Variants in LETM2 observed in about 807,000 individuals in gnomAD.
The protein encoded by LETM2 is leucine zipper and EF-hand containing transmembrane protein 2, also known as LETM1 domain-containing protein LETM2, mitochondrial.
In LETM2, 58 loss-of-function variants were observed where a neutral mutation model predicts 59.6. The observed-to-expected ratio is 0.97, with a 90% CI of 0.79 to 1.21. The LOEUF (loss-of-function observed/expected upper bound fraction) is 1.21. Among genes scored for constraint, LETM2 ranks in the 50% most tolerant of loss-of-function variants. The probability of loss-of-function intolerance (pLI) is 0.00; values close to 1 mark genes in which losing one functional copy is unlikely to be tolerated. For missense variants in LETM2, 572 were observed against 575.7 expected, an observed-to-expected ratio of 0.99 and a Z score of 0.07; for synonymous variants, 199 against 214.1, an observed-to-expected ratio of 0.93 and a Z score of 0.62.
At chr8:38,389,559 C>T (rs1812046612) in intron 2 of LETM2, among the ~76,000 whole-genome samples, 1 of 152,128 alleles carries the variant, frequency 6.6e-6, no homozygotes, top group Non-Finnish European at 1.5e-5. Flanking sequence ...ATTCACTGAG[C>T]ACTTACTTTT....
chr8:38,401,148 G>GTTTTT (rs1328448134), intron 6 of LETM2, 95 bp downstream of exon 6: 2 of 1,044,068 alleles, frequency 1.9e-6, no homozygotes, highest in Non-Finnish European at 2.8e-6. Flanking sequence ...TTTTGTTTTT[G>GTTTTT]TTTTTGTTTT....
At position 38,404,392 on chromosome 8, in the gene LETM2, G is replaced by A. The variant is rs574669200; in HGVS notation, c.1105-1G>A. On this transcript the variant is annotated splice_acceptor_variant, in intron 7 of 10. Transcript: ENST00000379957. LOFTEE classifies it high-confidence loss of function. ...CGTGTTGTTCCCCTCCCGTTCTCCAGTGGCAGGACCTCCACCTGAAGGAGA... is the reference window on the plus strand; with the variant it reads ...CGTGTTGTTCCCCTCCCGTTCTCCAATGGCAGGACCTCCACCTGAAGGAGA... The A allele has an allele frequency of 1.0e-4, 162 of 1,603,734 alleles. 1 individual carries two copies. In the South Asian group the frequency reaches 1.7e-3, roughly 17 times the overall value.
intron 8 of LETM2, among the ~76,000 whole-genome samples, chr8:38,405,076 G>A (rs892920214): frequency 1.3e-5 from 2 of 152,192 alleles, no homozygotes; most frequent in Non-Finnish European, 2.9e-5. Context: ...TTACTAATAG[G>A]AGCAGTTTAT....
intron 4 of LETM2, among the ~76,000 whole-genome samples, chr8:38,399,886 C>T (rs184404901): frequency 9.2e-4 from 139 of 151,686 alleles, no homozygotes; most frequent in Middle Eastern, 3.4e-3. Flanking sequence ...GTGGAGGTTG[C>T]GGTGAGCCGA....
At chr8:38,407,273 C>G in intron 9 of LETM2, 89 bp from the exon 10 acceptor site, 1 of 1,063,746 alleles carries the variant, frequency 9.4e-7, no homozygotes, top group Non-Finnish European at 1.4e-6. Flanking sequence ...GTAGTTGTGA[C>G]AAGTTCCTGG....
intron 8 of LETM2, chr8:38,404,908 C>T (rs539812628): frequency 6.0e-5 from 11 of 182,856 alleles, no homozygotes; most frequent in Admixed American, 4.4e-4. Context: ...ACCTGGGAGA[C>T]GGAGGTGCAG....
intron 10 of LETM2, among the ~76,000 whole-genome samples, 164 bp downstream of exon 10, chr8:38,407,627 C>T (rs1418882641): frequency 3.3e-5 from 5 of 150,626 alleles, no homozygotes; most frequent in Admixed American, 2.7e-4. Context: ...CTTGTAACCA[C>T]GTTTTTTACT....
chr8:38,405,614 G>C (rs1392604165), intron 8 of LETM2, among the ~76,000 whole-genome samples: 1 of 152,174 alleles, frequency 6.6e-6, no homozygotes, highest in African/African-American at 2.4e-5. Flanking sequence ...TTTGGGATTT[G>C]TCCAGGAAAA....
At position 38,402,713 on chromosome 8, in the gene LETM2, T is replaced by G; in HGVS notation, c.1104+69T>G. The G allele has an allele frequency of 2.7e-6, 4 of 1,508,028 alleles. No individual in the cohort carries two copies. In the East Asian group the frequency reaches 9.1e-5, roughly 34 times the overall value. 93.4% of individuals were successfully genotyped at this position (1,508,028 alleles called of 1,614,324 possible). A position where few individuals can be genotyped will look rare whatever the true frequency, so the allele number is the denominator to read the frequency against. Reference sequence around the variant, plus strand: ...CTCCTACAATATGCAGACCTCCTTATGTGATTTCTCCTTTGCAAGTGAACC... The same window carrying G: ...CTCCTACAATATGCAGACCTCCTTAGGTGATTTCTCCTTTGCAAGTGAACC... On this transcript the variant is annotated intron_variant, in intron 7 of 10. Transcript: ENST00000379957.
chr8:38,408,161 G>A (rs771252025), intron 10 of LETM2, 51 bp from the exon 11 acceptor site: 2 of 1,436,312 alleles, frequency 1.4e-6, no homozygotes, highest in Non-Finnish European at 1.9e-6. Context: ...CACTCCTTAA[G>A]AACTTACACG....
In LETM2 at chr8:38,405,577, C is replaced by G. The variant is rs149108386; in HGVS notation, c.1218+1071C>G. Among the ~76,000 whole-genome samples the G allele has an allele frequency of 4.3e-3, 653 of 152,314 alleles. 3 individuals are homozygous for G. The highest frequency in any genetic ancestry group is 0.015 in the African/African-American group (622 of 41,568). On this transcript the variant is annotated intron_variant, in intron 8 of 10. Coordinates refer to ENST00000379957, the MANE Select transcript of LETM2 (RefSeq NM_001286819.2). ...TTCAGGAAACACCATCTTGCTTTCC[C>G]TTTTCATATTTCTAGAGTAATCTGG...
chr8:38,397,360 T>C (rs879683526), intron 4 of LETM2, among the ~76,000 whole-genome samples: 33 of 152,208 alleles, frequency 2.2e-4, no homozygotes, highest in Admixed American at 2.0e-3. Context: ...GGGCAACTTT[T>C]AAATCAGTAA....
chr8:38,396,311 G>C (rs946268610), intron 4 of LETM2, among the ~76,000 whole-genome samples: 1 of 151,878 alleles, frequency 6.6e-6, no homozygotes, highest in African/African-American at 2.4e-5. Context: ...TTACAGACAT[G>C]TGCCACTACA....
intron 1 of LETM2, among the ~76,000 whole-genome samples, 158 bp from the exon 2 acceptor site, chr8:38,387,792 G>A (rs1298883421): frequency 2.0e-5 from 3 of 152,148 alleles, no homozygotes; most frequent in African/African-American, 4.8e-5. Context: ...CCAGAGCTAC[G>A]AAAATATCTG....
intron 4 of LETM2, chr8:38,397,244 T>C (rs1212041211): frequency 2.3e-6 from 1 of 433,848 alleles, no homozygotes; most frequent in Non-Finnish European, 4.6e-6. Context: ...TGGCACAATC[T>C]TGGCTCACTG....
intron 4 of LETM2, among the ~76,000 whole-genome samples, chr8:38,395,822 T>C (rs896603887): frequency 5.9e-5 from 9 of 152,156 alleles, no homozygotes; most frequent in African/African-American, 2.2e-4. Context: ...AGCCCTTCGG[T>C]TGACTTTTTA....
chr8:38,390,311 T>A (rs982355076), intron 2 of LETM2, among the ~76,000 whole-genome samples: 1 of 151,884 alleles, frequency 6.6e-6, no homozygotes, highest in Non-Finnish European at 1.5e-5. Flanking sequence ...AGCAAGACTC[T>A]GTGTCTTAAA....
chr8:38,386,038 C>G (rs938925153), upstream of LETM2, among the ~76,000 whole-genome samples: 1 of 152,232 alleles, frequency 6.6e-6, no homozygotes, highest in Non-Finnish European at 1.5e-5. Flanking sequence ...GCGCTCCTTC[C>G]GATTCCCGCC....
intron 2 of LETM2, 78 bp from the exon 3 acceptor site, chr8:38,392,464 T>C: frequency 1.1e-6 from 1 of 898,520 alleles, no homozygotes; most frequent in Admixed American, 2.2e-5. Flanking sequence ...TCTATTTCTT[T>C]AATAATATGT....
Sources: allele counts gnomAD v4.1 joint callset (sites outside exome capture counted in the v4.1 genomes callset), GRCh38; gene constraint gnomAD v4.1.1; transcripts MANE v1.5; gene names NCBI Gene and HGNC (gene_info 2026-07-23, HGNC 2026-07-21).